The following UBE2QL1 variants were observed in gnomAD, a reference collection of about 807,000 sequenced individuals.
The protein encoded by UBE2QL1 is ubiquitin-conjugating enzyme E2Q-like protein 1.
A neutral mutation model predicts 12.6 loss-of-function variants in UBE2QL1; 5 were observed. The observed-to-expected ratio is 0.40, with a 90% CI of 0.21 to 0.83. The LOEUF is 0.83. UBE2QL1 is among the 40% of genes least tolerant of loss of function. The pLI is 0.37. For synonymous variants in UBE2QL1, 96 were observed against 94.5 expected, an observed-to-expected ratio of 1.02 and a Z score of -0.10; for missense variants, 99 against 222.6, an observed-to-expected ratio of 0.44 and a Z score of 3.53.
chr5:6,475,934 G>A (rs918772658), intron 1 of UBE2QL1, among the ~76,000 whole-genome samples: 2 of 152,186 alleles, frequency 1.3e-5, no homozygotes, highest in Non-Finnish European at 2.9e-5. Flanking sequence ...CCTGGCCCCT[G>A]CTGATAGGTG....
chr5:6,478,460 A>C lies in UBE2QL1; in HGVS notation c.355-12758A>C, dbSNP rs1319854829. Among the ~76,000 whole-genome samples, 1 of 152,180 alleles carries C rather than the reference A, an allele frequency of 6.6e-6. No homozygotes were observed. The highest frequency in any genetic ancestry group is 1.5e-5 in the Non-Finnish European group (1 of 68,038). On this transcript the variant is annotated intron_variant, in intron 1 of 1. Coordinates refer to ENST00000399816, the MANE Select transcript of UBE2QL1 (RefSeq NM_001145161.3). The surrounding 1 kb of genome is among the most constrained non-coding windows in gnomAD (Gnocchi z 4.5). Reference sequence around the variant, plus strand: ...TGTGAAAATCACGCGTTCCTTCTTGATGCAATATTTCTAGAACAACTAAGT... The same window carrying C: ...TGTGAAAATCACGCGTTCCTTCTTGCTGCAATATTTCTAGAACAACTAAGT...
intron 1 of UBE2QL1, among the ~76,000 whole-genome samples, chr5:6,463,598 G>GTTGTTATTA (rs1553988055): frequency 0.011 from 1,491 of 137,274 alleles, 25 homozygotes; most frequent in African/African-American, 0.026. Context: ...TATTTGTGCT[G>GTTGTTATTA]TTATTATTAT....
chr5:6,475,235 A>G (rs1179279710), intron 1 of UBE2QL1, among the ~76,000 whole-genome samples: 1 of 152,262 alleles, frequency 6.6e-6, no homozygotes, highest in Non-Finnish European at 1.5e-5. Context: ...CTAGTTGCTT[A>G]TAGAAAATCT....
chr5:6,457,557 C>T (rs1271067616), intron 1 of UBE2QL1, among the ~76,000 whole-genome samples: 1 of 135,214 alleles, frequency 7.4e-6, no homozygotes, highest in Admixed American at 7.4e-5. Flanking sequence ...CCCCTTCTTG[C>T]GATGCAACGT....
chr5:6,475,089 C>G (rs72717943), intron 1 of UBE2QL1, among the ~76,000 whole-genome samples: 3 of 152,210 alleles, frequency 2.0e-5, no homozygotes, highest in Non-Finnish European at 4.4e-5. Flanking sequence ...TAAAAATCAC[C>G]GATTGAATTA....
Position 6,495,923 on chromosome 5 carries a change from A to G in UBE2QL1, c.*4574A>G, listed in dbSNP as rs974041971. ...TCTGATCCACAGAATGTGGTCAATAATCTGGAAAGGCAAACAAACTCTGTT... is the reference window on the plus strand; with the variant it reads ...TCTGATCCACAGAATGTGGTCAATAGTCTGGAAAGGCAAACAAACTCTGTT... On this transcript the variant is annotated 3_prime_UTR_variant, in exon 2 of 2. Transcript: ENST00000399816. 3.3e-5 allele frequency among the ~76,000 whole-genome samples: 5 copies of G among 152,210 alleles called. No individual in the cohort carries two copies. The highest frequency in any genetic ancestry group is 1.2e-4 in the African/African-American group (5 of 41,454).
Position 6,491,314 on chromosome 5 carries a change from T to C in UBE2QL1, c.451T>C (p.Tyr151His), listed in dbSNP as rs753286846. ...FKSLVKTHEK[Y>H]GWVTPPVSDG is the part of the protein sequence containing the mutation. Reference sequence around the variant, plus strand: ...GAGTTTGGTGAAGACGCATGAAAAATATGGTTGGGTCACCCCGCCCGTGTC... The same window carrying C: ...GAGTTTGGTGAAGACGCATGAAAAACATGGTTGGGTCACCCCGCCCGTGTC... Residue 151 changes from tyrosine (Y) to histidine (H), a missense_variant, in exon 2 of 2, where the codon TAT becomes CAT. By Grantham distance (83) the Tyr-to-His change is moderately conservative. Coordinates refer to ENST00000399816, the MANE Select transcript of UBE2QL1 (RefSeq NM_001145161.3). The C allele has an allele frequency of 3.2e-6, 5 of 1,551,116 alleles. No homozygotes were observed. Among genetic ancestry groups the C allele is most frequent in the Non-Finnish European group, 4.4e-6 (5 of 1,146,892 alleles).
At position 6,449,070 on chromosome 5, in the gene UBE2QL1, C is replaced by G; in HGVS notation, c.177C>G (p.Pro59=). ...TEFILLNLTF[P]DNFPFSPPFM... ...TCATCCTGCTCAACCTCACCTTCCC[C>G]GACAACTTCCCCTTCTCGCCGCCCT... Residue 59 remains proline (P), a synonymous_variant, in exon 1 of 2, where the codon CCC becomes CCG. Transcript: ENST00000399816. 2 of 1,548,910 alleles carry G rather than the reference C, an allele frequency of 1.3e-6. No individual in the cohort carries two copies. Among genetic ancestry groups the G allele is most frequent in the South Asian group, 1.2e-5 (1 of 83,354 alleles).
intron 1 of UBE2QL1, among the ~76,000 whole-genome samples, chr5:6,454,091 C>T (rs1039746653): frequency 1.1e-4 from 16 of 152,036 alleles, no homozygotes. Context: ...CTATGTTGCC[C>T]AGCTGGTCTC....
At chr5:6,451,038 T>C (rs1361857206) in intron 1 of UBE2QL1, among the ~76,000 whole-genome samples, 1 of 152,258 alleles carries the variant, frequency 6.6e-6, no homozygotes, top group Non-Finnish European at 1.5e-5. Context: ...GAATCATTGC[T>C]AATCAGAATT....
chr5:6,472,528 G>T (rs535524252), intron 1 of UBE2QL1, among the ~76,000 whole-genome samples: 1 of 152,268 alleles, frequency 6.6e-6, no homozygotes, highest in South Asian at 2.1e-4. Flanking sequence ...CTTTCCTGAT[G>T]ACTGGGATCT....
At chr5:6,461,536 A>ACCCCCCCCCC (rs1489545549) in intron 1 of UBE2QL1, among the ~76,000 whole-genome samples, 10 of 36,224 alleles carry the variant, frequency 2.8e-4, no homozygotes, top group Non-Finnish European at 4.6e-4. Flanking sequence ...GTTTTTCAGC[A>ACCCCCCCCCC]CCCACCACCC....
chr5:6,489,447 A>C (rs980905736), intron 1 of UBE2QL1, among the ~76,000 whole-genome samples: 1 of 151,904 alleles, frequency 6.6e-6, no homozygotes. Context: ...GAAAAAGAAA[A>C]ATTTTTTAAA....
At chr5:6,460,167 T>C (rs1363386683) in intron 1 of UBE2QL1, among the ~76,000 whole-genome samples, 1 of 152,098 alleles carries the variant, frequency 6.6e-6, no homozygotes, top group Admixed American at 6.5e-5. Context: ...CCCTTCTGAG[T>C]GTGGCTCACT....
At chr5:6,484,515 AG>A (rs1734427797) in intron 1 of UBE2QL1, among the ~76,000 whole-genome samples, 1 of 152,144 alleles carries the variant, frequency 6.6e-6, no homozygotes, top group African/African-American at 2.4e-5. Flanking sequence ...ATGGAAGCCC[AG>A]TTTCCTACTC....
chr5:6,457,893 G>A (rs902079172), intron 1 of UBE2QL1, among the ~76,000 whole-genome samples: 3 of 152,212 alleles, frequency 2.0e-5, no homozygotes, highest in African/African-American at 7.2e-5. Flanking sequence ...ATCAATCCAC[G>A]AGAGGACGGA....
chr5:6,482,951 C>A lies in UBE2QL1; in HGVS notation c.355-8267C>A, dbSNP rs73038150. Among the ~76,000 whole-genome samples the A allele has an allele frequency of 9.0e-3, 1,372 of 152,330 alleles. 20 individuals carry two copies. Among genetic ancestry groups the A allele is most frequent in the African/African-American group, 0.032 (1,321 of 41,578 alleles). Reference sequence around the variant, plus strand: ...TGCCAGATGTTTTCATCTTGTCTCCCAGCTCCAAGTGGGAAAACTGCACAT... The same window carrying A: ...TGCCAGATGTTTTCATCTTGTCTCCAAGCTCCAAGTGGGAAAACTGCACAT... On this transcript the variant is annotated intron_variant, in intron 1 of 1. Coordinates refer to ENST00000399816, the MANE Select transcript of UBE2QL1 (RefSeq NM_001145161.3).
At chr5:6,466,024 T>G (rs750196312) in intron 1 of UBE2QL1, among the ~76,000 whole-genome samples, 3 of 151,878 alleles carry the variant, frequency 2.0e-5, no homozygotes, top group Non-Finnish European at 4.4e-5. Context: ...GCACCCTCTA[T>G]CCTCCCTTCC....
intron 1 of UBE2QL1, among the ~76,000 whole-genome samples, chr5:6,468,957 A>G (rs1739852518): frequency 6.6e-6 from 1 of 152,168 alleles, no homozygotes; most frequent in Admixed American, 6.5e-5. Context: ...CTGCCACAAG[A>G]CTTGAGAAGA....
Sources: gnomAD v4.1 joint callset for allele counts (sites outside exome capture counted in the v4.1 genomes callset) on GRCh38, gnomAD v4.1.1 for gene constraint, Gnocchi (gnomAD v3.1) non-coding constraint, MANE v1.5 for transcripts, NCBI Gene and HGNC (gene_info 2026-07-23, HGNC 2026-07-21) for gene names.